AFM: variants seen among roughly 807,000 people sequenced by gnomAD.
The protein encoded by AFM is afamin, also known as alpha-Alb.
AFM carries 82 observed loss-of-function variants against 68.7 expected under a neutral mutation model. That is an observed-to-expected ratio of 1.19 (90% CI 1.00 to 1.43). The LOEUF is 1.43. Among genes scored for constraint, AFM ranks in the 40% most tolerant of loss-of-function variants. The pLI, the probability that AFM is intolerant of heterozygous loss-of-function variation, is 0.00. For synonymous variants in AFM, 250 were observed against 234.2 expected (o/e 1.07, Z -0.61); for missense variants, 772 against 701.8 (o/e 1.10, Z -1.13).
chr4:73,492,465 G>GT (rs1721099124), intron 8 of AFM, among the ~76,000 whole-genome samples: 1 of 152,190 alleles, frequency 6.6e-6, no homozygotes. Flanking sequence ...AAGTGACAGA[G>GT]TAAGAATTTG....
At chr4:73,495,634 T>A (rs1721234187) in intron 9 of AFM, among the ~76,000 whole-genome samples, 1 of 152,230 alleles carries the variant, frequency 6.6e-6, no homozygotes, top group Non-Finnish European at 1.5e-5. Flanking sequence ...GGACTACTAA[T>A]CCAATGTGTT....
chr4:73,502,987 A>G, intron 13 of AFM, 63 bp from the exon 14 acceptor site: 1 of 1,451,830 alleles, frequency 6.9e-7, no homozygotes, highest in Non-Finnish European at 9.7e-7. Flanking sequence ...ATGCTTATCT[A>G]AATTTAAACT....
intron 1 of AFM, among the ~76,000 whole-genome samples, chr4:73,482,821 T>A (rs4502652): frequency 0.91 from 138,431 of 152,186 alleles, 64,416 homozygotes; most frequent in East Asian, 1. Flanking sequence ...TCTATTTGTC[T>A]GGCACTGTGG....
At chr4:73,490,040 A>G (rs1721027432) in intron 7 of AFM, among the ~76,000 whole-genome samples, 1 of 152,168 alleles carries the variant, frequency 6.6e-6, no homozygotes, top group Non-Finnish European at 1.5e-5. Flanking sequence ...TAAAAAAATA[A>G]CTGAGTATGA....
intron 9 of AFM, among the ~76,000 whole-genome samples, chr4:73,496,186 C>T (rs1482030154): frequency 6.6e-6 from 1 of 152,146 alleles, no homozygotes; most frequent in Non-Finnish European, 1.5e-5. Context: ...GGGCTGTGTT[C>T]CCTCTAGGGA....
intron 1 of AFM, 95 bp downstream of exon 1, chr4:73,481,958 G>T: frequency 1.1e-6 from 1 of 873,786 alleles, no homozygotes; most frequent in Admixed American, 2.8e-5. Context: ...TTCTTTACTT[G>T]CTTTTTTCAC....
chr4:73,487,346 G>C (rs1720929067), intron 5 of AFM, among the ~76,000 whole-genome samples: 1 of 152,154 alleles, frequency 6.6e-6, no homozygotes, highest in Non-Finnish European at 1.5e-5. Flanking sequence ...AAATTGGAAG[G>C]AAGCCCTGGT....
chr4:73,484,249 C>T lies in AFM; in HGVS notation c.138-9C>T. On this transcript the variant is annotated splice_polypyrimidine_tract_variant and intron_variant, in intron 2 of 14. Transcript: ENST00000226355. ...CTGATCTTTGTATACCCCATGTGAA[C>T]TGTTGCAGCACCATCATTGCATTTG... 1.2e-6 allele frequency: 2 copies of T among 1,602,256 alleles called. No homozygotes were observed. Among genetic ancestry groups the T allele is most frequent in the Non-Finnish European group, 1.7e-6 (2 of 1,176,578 alleles).
chr4:73,487,521 A>G (rs1720933964), intron 5 of AFM, among the ~76,000 whole-genome samples: 1 of 152,206 alleles, frequency 6.6e-6, no homozygotes, highest in African/African-American at 2.4e-5. Flanking sequence ...AGTGCAATTC[A>G]ATCATCAGCA....
rs1553894010 is a variant in AFM at position 73,484,491 on chromosome 4, T to TTTCTTTCTTTCTTTC, written c.270+102_270+116dup. 10 of 782,788 alleles carry TTTCTTTCTTTCTTTC rather than the reference T, an allele frequency of 1.3e-5. No homozygotes were observed. The African/African-American group carries it at 2.0e-4, about 15-fold the overall frequency. The allele number at this position is 782,788 out of a possible 1,614,324, so 48.5% of individuals were successfully genotyped here. A position where few individuals can be genotyped will look rare whatever the true frequency, so the allele number is the denominator to read the frequency against. On this transcript the variant is annotated intron_variant, in intron 3 of 14. Coordinates refer to ENST00000226355, the MANE Select transcript of AFM (RefSeq NM_001133.2). ...CTTTCTTTCTTTCTTTCTTTCTTTC[T>TTTCTTTCTTTCTTTC]TTCTTTCTTTCTTTCATTCTTTCTT...
intron 9 of AFM, among the ~76,000 whole-genome samples, chr4:73,496,286 T>C (rs1208324570): frequency 1.3e-5 from 2 of 152,198 alleles, no homozygotes; most frequent in Non-Finnish European, 2.9e-5. Context: ...TAAATGATGG[T>C]ATCCCATCAT....
Position 73,496,751 on chromosome 4 carries a change from C to T in AFM, c.1192-901C>T, listed in dbSNP as rs947055613. Among the ~76,000 whole-genome samples, 3 of 151,952 alleles carry T rather than the reference C, an allele frequency of 2.0e-5. No homozygotes were observed. The South Asian group carries it at 6.2e-4, about 32-fold the overall frequency. ...TGAAAAATCTGTTCATGTGTACTAC[C>T]CATTTTCCTGTTGAAATTAGTGTTT... is the stretch of plus-strand genomic sequence containing the variant. On this transcript the variant is annotated intron_variant, in intron 9 of 14. Transcript: ENST00000226355.
In AFM at chr4:73,497,503, C is replaced by T. The variant is rs143045320; in HGVS notation, c.1192-149C>T. On this transcript the variant is annotated intron_variant, in intron 9 of 14. Transcript: ENST00000226355. ...ATAATTAAAAAATTAAGTTCTTGCA[C>T]GTGCTTGTAAAAAGTGCCCTGAATT... The T allele has an allele frequency of 5.6e-4, 228 of 408,280 alleles. 1 individual carries two copies. Among genetic ancestry groups the T allele is most frequent in the African/African-American group, 4.1e-3 (198 of 48,230 alleles). 25.3% of individuals were successfully genotyped at this position (408,280 alleles called of 1,614,324 possible).
chr4:73,499,731 G>T (rs1721373815), intron 11 of AFM, among the ~76,000 whole-genome samples: 1 of 152,104 alleles, frequency 6.6e-6, no homozygotes, highest in African/African-American at 2.4e-5. Flanking sequence ...GCTTTTTGCA[G>T]CTGTCTGTTT....
In AFM at chr4:73,488,830, C is replaced by T. The variant is rs1720988875; in HGVS notation, c.843+71C>T. 2.7e-6 allele frequency: 4 copies of T among 1,481,906 alleles called. No homozygotes were observed. The South Asian group carries it at 5.1e-5, about 19-fold the overall frequency. 91.8% of individuals were successfully genotyped at this position (1,481,906 alleles called of 1,614,324 possible). A position where few individuals can be genotyped will look rare whatever the true frequency, so the allele number is the denominator to read the frequency against. On this transcript the variant is annotated intron_variant, in intron 7 of 14. Coordinates refer to ENST00000226355, the MANE Select transcript of AFM (RefSeq NM_001133.2). Reference sequence around the variant, plus strand: ...TATCATTTTTTTATTCTCAAGTTGCCCTGATATGTGGTTACTTTGCCACAA... The same window carrying T: ...TATCATTTTTTTATTCTCAAGTTGCTCTGATATGTGGTTACTTTGCCACAA...
chr4:73,491,991 T>G lies in AFM; in HGVS notation c.963T>G (p.Asp321Glu). 1 of 1,613,890 alleles carries G rather than the reference T, an allele frequency of 6.2e-7. No individual in the cohort carries two copies. The highest frequency in any genetic ancestry group is 8.5e-7 in the Non-Finnish European group (1 of 1,179,940). ...GQCIINSNKDDRPKDLSLREG... is the reference protein window; with the variant it reads ...GQCIINSNKDERPKDLSLREG... ...GCATAATTAACTCAAACAAAGATGA[T>G]AGACCAAAGGATTTATCTCTAAGAG... Residue 321 changes from aspartate to glutamate, a missense_variant, in exon 8 of 15, where the codon GAT (aspartate) becomes GAG (glutamate). Coordinates refer to ENST00000226355, the MANE Select transcript of AFM (RefSeq NM_001133.2).
chr4:73,488,778 C>T lies in AFM; in HGVS notation c.843+19C>T. 6.3e-7 allele frequency: 1 copy of T among 1,590,046 alleles called. No homozygotes were observed. Among genetic ancestry groups the T allele is most frequent in the Non-Finnish European group, 8.5e-7 (1 of 1,172,262 alleles). ...TGACACGGTGAATATTCTCTAAAAC[C>T]AAGTTAAAATAGTGATTTTTGGCAA... On this transcript the variant is annotated intron_variant, in intron 7 of 14. Transcript: ENST00000226355.
chr4:73,482,912 A>G lies in AFM; in HGVS notation c.89-1029A>G, dbSNP rs143118357. On this transcript the variant is annotated intron_variant, in intron 1 of 14. Transcript: ENST00000226355. ...AAATGATCAGATTACTATCCTATAT[A>G]AACATTTTCCAGGGCTCTCCATGTC... Among the ~76,000 whole-genome samples, 1,114 of 152,264 alleles carry G rather than the reference A, an allele frequency of 7.3e-3. 37 individuals carry two copies. Among genetic ancestry groups the G allele is most frequent in the Admixed American group, 0.043 (664 of 15,296 alleles).
At chr4:73,502,022 G>T (rs1721437345) in intron 13 of AFM, 103 bp downstream of exon 13, 2 of 1,306,542 alleles carry the variant, frequency 1.5e-6, no homozygotes, top group Non-Finnish European at 2.1e-6. Context: ...GTGTCTACCA[G>T]GACTACATTT....
Sources: allele counts gnomAD v4.1 joint callset (sites outside exome capture counted in the v4.1 genomes callset), GRCh38; gene constraint gnomAD v4.1.1; transcripts MANE v1.5; gene names NCBI Gene and HGNC (gene_info 2026-07-23, HGNC 2026-07-21).